Variants in GPC6 observed in about 807,000 individuals in gnomAD.
The protein encoded by GPC6 is glypican 6, also known as glypican-6.
GPC6 carries 14 observed loss-of-function variants against 55.2 expected under a neutral mutation model. The observed-to-expected ratio is 0.25, with a 90% CI of 0.17 to 0.40. The LOEUF is 0.40. Ranked by LOEUF, GPC6 falls within the 10% of genes least tolerant of loss-of-function variation. The probability of loss-of-function intolerance (pLI) is 1.00; values close to 1 mark genes in which losing one functional copy is unlikely to be tolerated. For missense variants in GPC6, 641 were observed against 708.5 expected, an observed-to-expected ratio of 0.90 and a Z score of 1.08; for synonymous variants, 278 against 259.6, an observed-to-expected ratio of 1.07 and a Z score of -0.68.
chr13:93,590,976 T>TAA (rs1233252700), intron 2 of GPC6, among the ~76,000 whole-genome samples: 1 of 151,548 alleles, frequency 6.6e-6, no homozygotes, highest in East Asian at 1.9e-4. Flanking sequence ...CCCTAAAACT[T>TAA]AAAGTATAAT....
rs74242154 is a variant in GPC6, at chr13:93,612,544, A to C, written c.319+67123A>C. Among the ~76,000 whole-genome samples, 12 of 71,146 alleles carry C rather than the reference A, an allele frequency of 1.7e-4. No individual in the cohort carries two copies. The East Asian group carries it at 3.6e-3, about 21-fold the overall frequency. The allele number at this position is 71,146 out of a possible 152,430, so 46.7% of individuals were successfully genotyped here. On this transcript the variant is annotated intron_variant, in intron 2 of 8. Coordinates refer to ENST00000377047, the MANE Select transcript of GPC6 (RefSeq NM_005708.5). ...ACACACACACACACACACACACACA[A>C]ACTTCATGTGGCATTTGTGCAGTTT... is the stretch of plus-strand genomic sequence containing the variant.
chr13:94,237,034 A>G (rs188726605), intron 4 of GPC6, among the ~76,000 whole-genome samples: 5 of 152,288 alleles, frequency 3.3e-5, no homozygotes, highest in Admixed American at 6.5e-5. Flanking sequence ...TTGCTCCAAG[A>G]GTAATAAACA....
chr13:93,971,955 C>G (rs1880300427), intron 3 of GPC6, among the ~76,000 whole-genome samples: 1 of 152,174 alleles, frequency 6.6e-6, no homozygotes, highest in Admixed American at 6.5e-5. Flanking sequence ...TATCCAGCGT[C>G]AGGCTAGTGG....
At position 94,295,647 on chromosome 13, in the gene GPC6, G is replaced by A. The variant is rs1417151467; in HGVS notation, c.1008+9168G>A. ...ATCCAACTCTAGTCTGTGCCTGTTG[G>A]CTACATCAACACCTCCATAGCAAAG... On this transcript the variant is annotated intron_variant, in intron 5 of 8. Transcript: ENST00000377047. 2.0e-5 allele frequency among the ~76,000 whole-genome samples: 3 copies of A among 152,214 alleles called. No homozygotes were observed. The East Asian group carries it at 5.8e-4, about 29-fold the overall frequency.
intron 4 of GPC6, among the ~76,000 whole-genome samples, chr13:94,078,054 A>G (rs1884979433): frequency 6.6e-6 from 1 of 151,942 alleles, no homozygotes; most frequent in South Asian, 2.1e-4. Context: ...GATTGAAATC[A>G]TGTCAAGTAT....
chr13:93,822,756 T>G (rs977801829), intron 2 of GPC6, among the ~76,000 whole-genome samples: 2 of 151,890 alleles, frequency 1.3e-5, no homozygotes, highest in African/African-American at 4.8e-5. Context: ...TTCATTCATG[T>G]CCTGCAAAGA....
chr13:93,753,356 A>G (rs913354218), intron 2 of GPC6, among the ~76,000 whole-genome samples: 5 of 152,218 alleles, frequency 3.3e-5, no homozygotes, highest in African/African-American at 1.2e-4. Context: ...ATAATTAGCA[A>G]ATAAGATATC....
chr13:94,059,440 T>C (rs1368657078), intron 4 of GPC6, among the ~76,000 whole-genome samples: 1 of 151,986 alleles, frequency 6.6e-6, no homozygotes, highest in Non-Finnish European at 1.5e-5. Context: ...GCCACAGAAG[T>C]GCTACTTGTA....
At chr13:94,087,338 G>A (rs943372914) in intron 4 of GPC6, among the ~76,000 whole-genome samples, 7 of 152,142 alleles carry the variant, frequency 4.6e-5, no homozygotes, top group African/African-American at 1.7e-4. Flanking sequence ...CAAGGCCAGG[G>A]TGATTAAGTC....
chr13:94,191,585 G>A (rs1294674127), intron 4 of GPC6, among the ~76,000 whole-genome samples: 1 of 148,202 alleles, frequency 6.7e-6, no homozygotes, highest in Non-Finnish European at 1.5e-5. Flanking sequence ...GATTAAAGCA[G>A]GAAACAAGAA....
chr13:94,010,122 G>A (rs1007105152), intron 3 of GPC6, among the ~76,000 whole-genome samples: 1 of 152,146 alleles, frequency 6.6e-6, no homozygotes, highest in South Asian at 2.1e-4. Context: ...GAGAGAAAAT[G>A]TGTTTTCTGT....
At chr13:93,293,626 A>T (rs1277825551) in intron 1 of GPC6, among the ~76,000 whole-genome samples, 1 of 152,192 alleles carries the variant, frequency 6.6e-6, no homozygotes, top group South Asian at 2.1e-4. Context: ...ATATAATGGA[A>T]TGCAGTGTCA....
intron 4 of GPC6, among the ~76,000 whole-genome samples, chr13:94,070,611 A>G (rs1884694886): frequency 6.6e-6 from 1 of 152,252 alleles, no homozygotes; most frequent in African/African-American, 2.4e-5. Context: ...AAACTATGAG[A>G]TAATTCAGTG....
At chr13:94,312,731 CACACACACACAT>C (rs60598351) in intron 6 of GPC6, among the ~76,000 whole-genome samples, 7,170 of 151,460 alleles carry the variant, frequency 0.047, 423 homozygotes, top group East Asian at 0.19. Context: ...CACACACACA[CACACACACACAT>C]GCACTCACCC....
intron 1 of GPC6, among the ~76,000 whole-genome samples, chr13:93,367,584 C>G (rs976527145): frequency 2.0e-5 from 3 of 151,926 alleles, no homozygotes; most frequent in African/African-American, 7.2e-5. Flanking sequence ...TTCCTTTCGG[C>G]AGTGTTTTAA....
intron 1 of GPC6, among the ~76,000 whole-genome samples, chr13:93,362,137 A>G (rs1224105467): frequency 1.3e-5 from 2 of 152,190 alleles, no homozygotes; most frequent in African/African-American, 4.8e-5. Flanking sequence ...TCACCTCTAC[A>G]TGCCACTCCA....
chr13:93,944,021 C>T (rs1878865282), intron 3 of GPC6, among the ~76,000 whole-genome samples: 1 of 152,138 alleles, frequency 6.6e-6, no homozygotes, highest in Non-Finnish European at 1.5e-5. Flanking sequence ...GGGGGGTTCT[C>T]TGAAGCACCT....
chr13:93,794,427 G>A (rs1387791994), intron 2 of GPC6, among the ~76,000 whole-genome samples: 1 of 152,158 alleles, frequency 6.6e-6, no homozygotes, highest in Admixed American at 6.5e-5. Context: ...GACCAAGTTT[G>A]AGAATCACAC....
intron 4 of GPC6, among the ~76,000 whole-genome samples, chr13:94,096,677 A>G (rs1202416164): frequency 6.6e-6 from 1 of 152,226 alleles, no homozygotes; most frequent in Non-Finnish European, 1.5e-5. Flanking sequence ...GTAGTACACC[A>G]TAATAGATGG....
Sources: allele counts gnomAD v4.1 joint callset (sites outside exome capture counted in the v4.1 genomes callset), GRCh38; gene constraint gnomAD v4.1.1; transcripts MANE v1.5; gene names NCBI Gene and HGNC (gene_info 2026-07-23, HGNC 2026-07-21).